QTMAN: variants seen among roughly 807,000 people sequenced by gnomAD.
QTMAN encodes tRNA-queuosine alpha-mannosyltransferase.
the QTMAN span, among the ~76,000 whole-genome samples, chr2:144,216,882 T>C: frequency 6.6e-6 from 1 of 152,146 alleles, no homozygotes; most frequent in Non-Finnish European, 1.5e-5. Context: ...GAAGTGGAAG[T>C]AGGATAAGAA....
At chr2:143,985,091 C>T in the QTMAN span, among the ~76,000 whole-genome samples, 6 of 152,222 alleles carry the variant, frequency 3.9e-5, no homozygotes, top group Non-Finnish European at 7.3e-5. Context: ...GGGTCACAGA[C>T]ACCTCCTCCT....
At chr2:144,327,220 G>A in the QTMAN span, among the ~76,000 whole-genome samples, 9 of 152,096 alleles carry the variant, frequency 5.9e-5, no homozygotes, top group African/African-American at 2.2e-4. Context: ...TCACATGGAA[G>A]GTCTGCACCC....
At chr2:144,016,649 T>C in the QTMAN span, among the ~76,000 whole-genome samples, 1 of 152,186 alleles carries the variant, frequency 6.6e-6, no homozygotes, top group Non-Finnish European at 1.5e-5. Flanking sequence ...GAAGCCATCA[T>C]TTGCAGGTTG....
the QTMAN span, among the ~76,000 whole-genome samples, chr2:143,996,093 C>T: frequency 6.6e-6 from 1 of 152,118 alleles, no homozygotes; most frequent in Non-Finnish European, 1.5e-5. Flanking sequence ...AGGTTCACTA[C>T]ATTAAATGGG....
At chr2:144,064,550 C>T in the QTMAN span, among the ~76,000 whole-genome samples, 2 of 152,154 alleles carry the variant, frequency 1.3e-5, no homozygotes, top group Admixed American at 6.5e-5. Context: ...CCACAGGAAC[C>T]TGCGTTTGAG....
the QTMAN span, among the ~76,000 whole-genome samples, chr2:143,950,585 A>G: frequency 6.6e-6 from 1 of 151,734 alleles, no homozygotes; most frequent in African/African-American, 2.4e-5. Context: ...GAGGGAAAAA[A>G]TCAATAATCT....
the QTMAN span, among the ~76,000 whole-genome samples, chr2:144,111,507 C>G: frequency 1.3e-5 from 2 of 152,166 alleles, no homozygotes; most frequent in Non-Finnish European, 2.9e-5. Context: ...GAATTTCCTT[C>G]TGACACAGAC....
the QTMAN span, among the ~76,000 whole-genome samples, chr2:144,049,534 A>T: frequency 1.4e-4 from 21 of 152,338 alleles, no homozygotes; most frequent in East Asian, 4.0e-3. Flanking sequence ...TAAAATAATG[A>T]GCATTATCTA....
chr2:143,940,217 G>C, the QTMAN span: 1 of 152,186 alleles, frequency 6.6e-6, no homozygotes, highest in African/African-American at 2.4e-5. Flanking sequence ...CAGACGCTTT[G>C]GTTTGACTAC....
the QTMAN span, among the ~76,000 whole-genome samples, chr2:144,177,905 T>C: frequency 1.3e-5 from 2 of 152,226 alleles, no homozygotes; most frequent in African/African-American, 4.8e-5. Context: ...TTACATTCTT[T>C]ATTTGAAATC....
the QTMAN span, among the ~76,000 whole-genome samples, chr2:144,201,055 G>T: frequency 1.3e-5 from 2 of 152,132 alleles, no homozygotes; most frequent in Non-Finnish European, 2.9e-5. Context: ...AAACAAGATA[G>T]ATATGACTCT....
the QTMAN span, among the ~76,000 whole-genome samples, chr2:144,300,231 T>C: frequency 6.6e-6 from 1 of 152,224 alleles, no homozygotes. Flanking sequence ...CACTGACCTA[T>C]ACACTTAAAA....
the QTMAN span, among the ~76,000 whole-genome samples, chr2:143,985,357 A>G: frequency 6.6e-6 from 1 of 152,282 alleles, no homozygotes. Flanking sequence ...CTTGAGGAAC[A>G]GAGCATGAAG....
chr2:144,102,370 G>C, the QTMAN span, among the ~76,000 whole-genome samples: 2 of 152,184 alleles, frequency 1.3e-5, no homozygotes, highest in African/African-American at 2.4e-5. Context: ...ATGCATGTTT[G>C]AGGCTTACAG....
At chr2:144,007,417 A>T in the QTMAN span, 1 of 1,613,292 alleles carries the variant, frequency 6.2e-7, no homozygotes, top group Middle Eastern at 1.7e-4. Flanking sequence ...TTCTTCAATA[A>T]ATCCTCTGAA....
the QTMAN span, among the ~76,000 whole-genome samples, chr2:144,278,591 C>T: frequency 6.6e-6 from 1 of 150,746 alleles, no homozygotes; most frequent in African/African-American, 2.4e-5. Flanking sequence ...GAAACTTGCC[C>T]AAGATGCACA....
chr2:144,077,212 G>A, the QTMAN span, among the ~76,000 whole-genome samples: 1 of 152,208 alleles, frequency 6.6e-6, no homozygotes, highest in African/African-American at 2.4e-5. Flanking sequence ...GATACACAAT[G>A]ACTCCCAAGG....
At chr2:144,149,891 C>T in the QTMAN span, among the ~76,000 whole-genome samples, 2 of 152,006 alleles carry the variant, frequency 1.3e-5, no homozygotes, top group Non-Finnish European at 2.9e-5. Flanking sequence ...CTGAAATATA[C>T]CTAAGGGCAG....
the QTMAN span, among the ~76,000 whole-genome samples, chr2:144,075,950 A>G: frequency 5.3e-5 from 8 of 152,348 alleles, no homozygotes; most frequent in East Asian, 1.3e-3. Context: ...GCACTGTTCA[A>G]TTGAATGTCT....
Sources: allele counts gnomAD v4.1 joint callset (sites outside exome capture counted in the v4.1 genomes callset), GRCh38; gene constraint gnomAD v4.1.1; transcripts MANE v1.5; gene names NCBI Gene and HGNC (gene_info 2026-07-23, HGNC 2026-07-21).